The following TTLL11 variants were observed in gnomAD, a reference collection of about 807,000 sequenced individuals.
The protein encoded by TTLL11 is tubulin polyglutamylase TTLL11.
TTLL11 carries 42 observed loss-of-function variants against 51.7 expected under a neutral mutation model. The ratio of observed to expected loss-of-function variants is 0.81; its 90% CI spans 0.64 to 1.05. The LOEUF (loss-of-function observed/expected upper bound fraction) is 1.05, where lower values mean the gene tolerates loss of function less well. Among genes scored for constraint, TTLL11 ranks in the 50% least tolerant of loss-of-function variants. TTLL11 has a pLI of 0.00. For synonymous variants in TTLL11, 381 were observed against 383.5 expected (o/e 0.99, Z 0.08); for missense variants, 799 against 940.4 (o/e 0.85, Z 1.97).
At chr9:122,025,850 T>C (rs1327591843) in intron 3 of TTLL11, among the ~76,000 whole-genome samples, 7 of 152,204 alleles carry the variant, frequency 4.6e-5, no homozygotes, top group Admixed American at 4.6e-4. Flanking sequence ...CAGGTGTTCA[T>C]GGTGTATTTG....
chr9:122,080,771 G>A (rs2131918024), intron 1 of TTLL11, among the ~76,000 whole-genome samples: 1 of 152,040 alleles, frequency 6.6e-6, no homozygotes, highest in East Asian at 1.9e-4. Flanking sequence ...TTAATAGAGG[G>A]TTCAATCTAA....
chr9:122,033,149 G>A (rs1844602610), intron 2 of TTLL11, among the ~76,000 whole-genome samples: 1 of 151,908 alleles, frequency 6.6e-6, no homozygotes, highest in Non-Finnish European at 1.5e-5. Context: ...TTTCGCTCTT[G>A]TTGCCTAGAC....
chr9:121,870,858 A>T, intron 6 of TTLL11, 110 bp from the exon 7 acceptor site: 1 of 1,225,022 alleles, frequency 8.2e-7, no homozygotes. Context: ...TTTATTTTAC[A>T]GACAGCAAGA....
rs117905779 is a variant in TTLL11, at chr9:121,917,264, T to C, written c.1482-46516A>G. Among the ~76,000 whole-genome samples, 1,018 of 151,840 alleles carry C rather than the reference T, an allele frequency of 6.7e-3. 6 individuals are homozygous for C. The highest frequency in any genetic ancestry group is 0.011 in the Non-Finnish European group (757 of 67,946). ...TAAGAGGATTGCTTGAGGCCAGAAG[T>C]TCGAGACCGCCTAGGCAATATAGCA... On this transcript the variant is annotated intron_variant, in intron 6 of 8. Coordinates refer to ENST00000321582, the MANE Select transcript of TTLL11 (RefSeq NM_001139442.2).
intron 6 of TTLL11, among the ~76,000 whole-genome samples, chr9:121,901,420 T>C (rs1292005121): frequency 6.6e-6 from 1 of 152,212 alleles, no homozygotes; most frequent in Non-Finnish European, 1.5e-5. Context: ...AAAGTTCATT[T>C]TGTCAGAGAA....
rs149327720 is a variant in TTLL11 at position 121,874,706 on chromosome 9, T to C, written c.1482-3958A>G. On this transcript the variant is annotated intron_variant, in intron 6 of 8. Coordinates refer to ENST00000321582, the MANE Select transcript of TTLL11 (RefSeq NM_001139442.2). ...TCACATGGTCTGTCATTTGACTAAA[T>C]AGAGTCAGTGATCAGTCCCCTGAGT... Among the ~76,000 whole-genome samples the C allele has an allele frequency of 4.2e-3, 645 of 152,062 alleles. 3 individuals are homozygous for C. Among genetic ancestry groups the C allele is most frequent in the African/African-American group, 0.015 (611 of 41,482 alleles).
chr9:121,881,331 T>A (rs1478069860), intron 6 of TTLL11, among the ~76,000 whole-genome samples: 2 of 152,238 alleles, frequency 1.3e-5, no homozygotes, highest in Non-Finnish European at 2.9e-5. Flanking sequence ...TTGCCTAGAC[T>A]GTAATTTCTT....
intron 4 of TTLL11, among the ~76,000 whole-genome samples, chr9:121,979,414 T>C (rs564246988): frequency 2.6e-5 from 4 of 152,236 alleles, no homozygotes; most frequent in Non-Finnish European, 5.9e-5. Flanking sequence ...TGTTTTAAGC[T>C]GTTAAGGTTT....
At chr9:121,983,995 C>T (rs561671765) in intron 4 of TTLL11, among the ~76,000 whole-genome samples, 3 of 152,208 alleles carry the variant, frequency 2.0e-5, no homozygotes, top group Non-Finnish European at 2.9e-5. Flanking sequence ...CCTTAGAAGG[C>T]GTTGAAGTTC....
chr9:121,996,919 T>C (rs1843285542), intron 3 of TTLL11, among the ~76,000 whole-genome samples: 1 of 152,242 alleles, frequency 6.6e-6, no homozygotes, highest in South Asian at 2.1e-4. Flanking sequence ...TACAGTCATC[T>C]AGCTAGAAGG....
At chr9:121,999,121 C>T (rs889391787) in intron 3 of TTLL11, among the ~76,000 whole-genome samples, 2 of 152,190 alleles carry the variant, frequency 1.3e-5, no homozygotes, top group Non-Finnish European at 2.9e-5. Flanking sequence ...TTAATGGAGG[C>T]GGACTCAGTA....
At position 121,819,485 on chromosome 9, in the gene TTLL11, ATCT is replaced by A. The variant is rs1836507920; in HGVS notation, c.*3099_*3101del. 1.3e-5 allele frequency: 2 copies of A among 152,524 alleles called. No individual in the cohort carries two copies. The highest frequency in any genetic ancestry group is 6.5e-5 in the Admixed American group (1 of 15,280). The allele number at this position is 152,524 out of a possible 1,614,324, so 9.4% of individuals were successfully genotyped here. A position where few individuals can be genotyped will look rare whatever the true frequency, so the allele number is the denominator to read the frequency against. On this transcript the variant is annotated 3_prime_UTR_variant, in exon 9 of 9. Transcript: ENST00000321582. ...CCAAACTGAGCACAGGCTGAGCTTGATCTTCTTACCCGTTCATTCCAAGCCCCC... is the reference window on the plus strand; with the variant it reads ...CCAAACTGAGCACAGGCTGAGCTTGATCTTACCCGTTCATTCCAAGCCCCC...
In TTLL11 at chr9:121,820,003, C is replaced by T. The variant is rs1836529010; in HGVS notation, c.*2584G>A. ...ACCACAGCCTCATTTCCCTAACAAT[C>T]AGCAGGGAGGCTCTGTGCCCTGCGG... On this transcript the variant is annotated 3_prime_UTR_variant, in exon 9 of 9. Coordinates refer to ENST00000321582, the MANE Select transcript of TTLL11 (RefSeq NM_001139442.2). 6.6e-6 allele frequency among the ~76,000 whole-genome samples: 1 copy of T among 152,154 alleles called. No homozygotes were observed. Among genetic ancestry groups the T allele is most frequent in the Non-Finnish European group, 1.5e-5 (1 of 68,030 alleles).
intron 6 of TTLL11, among the ~76,000 whole-genome samples, chr9:121,904,678 A>G: frequency 6.6e-6 from 1 of 152,182 alleles, no homozygotes; most frequent in Non-Finnish European, 1.5e-5. Context: ...AGCCAGGTCA[A>G]TTTCTTCCAA....
chr9:121,833,111 G>T (rs1023482265), intron 8 of TTLL11, among the ~76,000 whole-genome samples: 1 of 152,124 alleles, frequency 6.6e-6, no homozygotes, highest in Non-Finnish European at 1.5e-5. Flanking sequence ...AGTTAGATTC[G>T]CTGGTCTTTG....
At chr9:121,944,625 G>A (rs1302140455) in intron 6 of TTLL11, among the ~76,000 whole-genome samples, 1 of 152,060 alleles carries the variant, frequency 6.6e-6, no homozygotes, top group Admixed American at 6.5e-5. Flanking sequence ...TTTTCCAGAT[G>A]CTTTTAAACA....
At chr9:122,006,996 A>AAAC (rs1554781303) in intron 3 of TTLL11, among the ~76,000 whole-genome samples, 6 of 149,734 alleles carry the variant, frequency 4.0e-5, no homozygotes, top group African/African-American at 1.5e-4. Context: ...AAAAAAAAAA[A>AAAC]AAAAAAAAAA....
At chr9:122,031,394 G>A (rs530189025) in intron 3 of TTLL11, among the ~76,000 whole-genome samples, 16 of 152,150 alleles carry the variant, frequency 1.1e-4, no homozygotes, top group Non-Finnish European at 2.1e-4. Flanking sequence ...TTCCCCCAGC[G>A]GCCCCATCCT....
At chr9:121,949,701 G>A (rs183201905) in intron 6 of TTLL11, among the ~76,000 whole-genome samples, 46 of 152,022 alleles carry the variant, frequency 3.0e-4, no homozygotes, top group African/African-American at 1.1e-3. Context: ...TCTGCCCAGT[G>A]GCAGCCCTGT....
Sources: allele counts gnomAD v4.1 joint callset (sites outside exome capture counted in the v4.1 genomes callset), GRCh38; gene constraint gnomAD v4.1.1; transcripts MANE v1.5; gene names NCBI Gene and HGNC (gene_info 2026-07-23, HGNC 2026-07-21).